The following PRIM2 variants were observed in gnomAD, a reference collection of about 807,000 sequenced individuals.
PRIM2 encodes DNA primase large subunit.
In PRIM2, 39 loss-of-function variants were observed where a neutral mutation model predicts 67.3. The observed-to-expected ratio is 0.58, with a 90% CI of 0.45 to 0.76. The LOEUF is 0.76. Among genes scored for constraint, PRIM2 ranks in the 30% least tolerant of loss-of-function variants. The pLI is 0.00. For missense variants in PRIM2, 398 were observed against 598.7 expected, an observed-to-expected ratio of 0.66 and a Z score of 3.50; for synonymous variants, 143 against 198.7, an observed-to-expected ratio of 0.72 and a Z score of 2.36.
chr6:57,590,385 T>C (rs1776263883), intron 10 of PRIM2, among the ~76,000 whole-genome samples: 2 of 152,122 alleles, frequency 1.3e-5, no homozygotes, highest in South Asian at 4.2e-4. Context: ...AAAGCTGCAA[T>C]AGAAGAAGGG....
chr6:57,528,262 A>G (rs1369247100), intron 8 of PRIM2, among the ~76,000 whole-genome samples: 1 of 149,294 alleles, frequency 6.7e-6, no homozygotes, highest in Non-Finnish European at 1.5e-5. Flanking sequence ...AGCCACTAGG[A>G]CTGGCCAAAA....
At chr6:57,342,649 G>T (rs113533912) in intron 5 of PRIM2, among the ~76,000 whole-genome samples, 1 of 152,174 alleles carries the variant, frequency 6.6e-6, no homozygotes, top group Non-Finnish European at 1.5e-5. Context: ...CTACAGAATG[G>T]CAGGGACAGT....
chr6:57,563,214 A>G (rs1775672635), intron 10 of PRIM2, among the ~76,000 whole-genome samples: 1 of 151,906 alleles, frequency 6.6e-6, no homozygotes, highest in Non-Finnish European at 1.5e-5. Context: ...GTTGCCCTAC[A>G]TATCCTAAAT....
At chr6:57,318,732 CT>C in intron 2 of PRIM2, 133 bp downstream of exon 2, 3 of 712,572 alleles carry the variant, frequency 4.2e-6, no homozygotes, top group East Asian at 5.5e-5. Flanking sequence ...AATTCATATC[CT>C]TCATTCAGCA....
intron 7 of PRIM2, among the ~76,000 whole-genome samples, chr6:57,411,416 C>T (rs1487623935): frequency 6.6e-6 from 1 of 151,550 alleles, no homozygotes. Context: ...CATGGTGAAA[C>T]CTTGTCTCTA....
At chr6:57,343,938 C>T (rs1581810850) in intron 5 of PRIM2, among the ~76,000 whole-genome samples, 1 of 151,996 alleles carries the variant, frequency 6.6e-6, no homozygotes, top group Middle Eastern at 3.4e-3. Context: ...AGTAAAGTGA[C>T]CTAGGGAATT....
intron 10 of PRIM2, among the ~76,000 whole-genome samples, chr6:57,553,143 A>T: frequency 6.6e-6 from 1 of 152,278 alleles, no homozygotes; most frequent in South Asian, 2.1e-4. Context: ...TTCACAGGAA[A>T]TGTGTGGATT....
intron 9 of PRIM2, among the ~76,000 whole-genome samples, chr6:57,534,348 A>C (rs1234696123): frequency 4.2e-4 from 64 of 151,932 alleles, no homozygotes. Context: ...TTGAACACCT[A>C]GCTAATGGTC....
chr6:57,554,376 A>T (rs1775466790), intron 10 of PRIM2, among the ~76,000 whole-genome samples: 1 of 147,242 alleles, frequency 6.8e-6, no homozygotes, highest in Non-Finnish European at 1.5e-5. Context: ...GGAAGAAATT[A>T]TACTGTCTGA....
chr6:57,274,933 C>T, the PRIM2 span, among the ~76,000 whole-genome samples: 2 of 145,806 alleles, frequency 1.4e-5, no homozygotes, highest in Non-Finnish European at 3.0e-5. Context: ...CGTGCCTCAA[C>T]ACCTGGCTAA....
intron 7 of PRIM2, among the ~76,000 whole-genome samples, chr6:57,393,583 T>C (rs9475912): frequency 0.042 from 6,374 of 152,256 alleles, 431 homozygotes; most frequent in African/African-American, 0.15. Flanking sequence ...ATGTATAGAT[T>C]GTGAAGATTT....
At chr6:57,436,732 G>A (rs1772024721) in intron 7 of PRIM2, among the ~76,000 whole-genome samples, 1 of 152,100 alleles carries the variant, frequency 6.6e-6, no homozygotes, top group South Asian at 2.1e-4. Context: ...TCCCGAAAAT[G>A]GACATTTTCT....
chr6:57,593,288 A>G (rs1163252510), intron 10 of PRIM2, among the ~76,000 whole-genome samples: 1 of 150,758 alleles, frequency 6.6e-6, no homozygotes, highest in Non-Finnish European at 1.5e-5. Context: ...TATGTTTTCT[A>G]TTTACTTCTT....
At chr6:57,252,275 A>G in the PRIM2 span, among the ~76,000 whole-genome samples, 1 of 152,256 alleles carries the variant, frequency 6.6e-6, no homozygotes, top group Non-Finnish European at 1.5e-5. Flanking sequence ...ACTCCAAGTT[A>G]CCATGTATTG....
chr6:57,328,265 T>C (rs1767940590), intron 5 of PRIM2, among the ~76,000 whole-genome samples: 1 of 152,242 alleles, frequency 6.6e-6, no homozygotes, highest in South Asian at 2.1e-4. Context: ...TTTAGTGTAA[T>C]TACAGATTGT....
chr6:57,334,227 A>G lies in PRIM2; in HGVS notation c.459+8182A>G, dbSNP rs142636167. The stretch of plus-strand genomic sequence containing the variant: ...TCCCTGTTTCATTCATGGTGTTGCA[A>G]GTGGCAGGATTTTCATTTTTTTTTA... On this transcript the variant is annotated intron_variant, in intron 5 of 13. Coordinates refer to ENST00000615550, the MANE Select transcript of PRIM2 (RefSeq NM_000947.5). 1.3e-3 allele frequency among the ~76,000 whole-genome samples: 201 copies of G among 152,138 alleles called. 4 individuals are homozygous for G. The East Asian group carries it at 0.017, about 13-fold the overall frequency.
chr6:57,566,810 G>C (rs1374219692), intron 10 of PRIM2, among the ~76,000 whole-genome samples: 3 of 152,162 alleles, frequency 2.0e-5, no homozygotes, highest in East Asian at 1.9e-4. Flanking sequence ...ACAAACTACA[G>C]ATGTAGTTTT....
At chr6:57,508,368 A>G (rs1774293323) in intron 8 of PRIM2, among the ~76,000 whole-genome samples, 1 of 152,172 alleles carries the variant, frequency 6.6e-6, no homozygotes, top group Non-Finnish European at 1.5e-5. Context: ...TCTGTCTAAA[A>G]ACATTATTGT....
At chr6:57,341,456 A>G (rs545300613) in intron 5 of PRIM2, among the ~76,000 whole-genome samples, 2 of 152,298 alleles carry the variant, frequency 1.3e-5, no homozygotes, top group African/African-American at 4.8e-5. Flanking sequence ...ATCACTTTCC[A>G]GGCAGAGACC....
Sources: gnomAD v4.1 joint callset for allele counts (sites outside exome capture counted in the v4.1 genomes callset) on GRCh38, gnomAD v4.1.1 for gene constraint, MANE v1.5 for transcripts, NCBI Gene and HGNC (gene_info 2026-07-23, HGNC 2026-07-21) for gene names.